NIBAN2: variants seen among roughly 807,000 people sequenced by gnomAD.
NIBAN2 encodes niban apoptosis regulator 2.
In NIBAN2, 36 loss-of-function variants were observed where a neutral mutation model predicts 81.8. The observed-to-expected ratio is 0.44, with a 90% CI of 0.34 to 0.58. NIBAN2 has a LOEUF of 0.58. Ranked by LOEUF, NIBAN2 falls within the 20% of genes least tolerant of loss-of-function variation. The probability of loss-of-function intolerance (pLI) is 0.02; values close to 1 mark genes in which losing one functional copy is unlikely to be tolerated. For missense variants in NIBAN2, 897 were observed against 1,014.1 expected (o/e 0.88, Z 1.57); for synonymous variants, 445 against 441.6 (o/e 1.01, Z -0.10).
intron 1 of NIBAN2, among the ~76,000 whole-genome samples, chr9:127,551,510 G>A (rs1013613117): frequency 7.9e-5 from 12 of 150,944 alleles, no homozygotes; most frequent in African/African-American, 2.4e-4. Flanking sequence ...GCAACAGAGC[G>A]AGACTCTGTC....
At position 127,507,827 on chromosome 9, in the gene NIBAN2, ATCC is replaced by A; in HGVS notation, c.1654+37_1654+39del. 6.3e-7 allele frequency: 1 copy of A among 1,579,628 alleles called. No homozygotes were observed. The highest frequency in any genetic ancestry group is 8.7e-7 in the Non-Finnish European group (1 of 1,149,066). ...ACCACTTCTCAGCTGCGCCCCCAGC[ATCC>A]TCCTGGCAACAGTCCCCACCCCGGG... On this transcript the variant is annotated intron_variant, in intron 13 of 13. Transcript: ENST00000373312. The surrounding 1 kb of genome is among the most constrained non-coding windows in gnomAD (Gnocchi z 6.8).
chr9:127,537,354 C>A (rs959782207), intron 1 of NIBAN2, among the ~76,000 whole-genome samples: 8 of 152,182 alleles, frequency 5.3e-5, no homozygotes, highest in African/African-American at 1.9e-4. Context: ...TCATCAGTGT[C>A]CTCAGCTGAG....
chr9:127,573,703 G>A (rs1373700478), upstream of NIBAN2, among the ~76,000 whole-genome samples: 1 of 152,240 alleles, frequency 6.6e-6, no homozygotes, highest in East Asian at 1.9e-4. Context: ...GCCCAGGCTA[G>A]AGTGCAGTGG....
rs144736289 is a variant in NIBAN2 at position 127,508,914 on chromosome 9, C to T, written c.1317+62G>A. 1.3e-3 allele frequency: 1,997 copies of T among 1,587,390 alleles called. 3 individuals are homozygous for T. The highest frequency in any genetic ancestry group is 1.6e-3 in the Non-Finnish European group (1,839 of 1,158,996). ...GACGGAGCAGAAGGGACCCCCTGGG[C>T]GAGGGGGCCTGTGGAAGGCAGTGGA... On this transcript the variant is annotated intron_variant, in intron 10 of 13. Coordinates refer to ENST00000373312, the MANE Select transcript of NIBAN2 (RefSeq NM_022833.4). The surrounding 1 kb of genome is among the most constrained non-coding windows in gnomAD (Gnocchi z 6.4).
intron 1 of NIBAN2, among the ~76,000 whole-genome samples, chr9:127,578,602 C>T (rs370372274): frequency 1.3e-5 from 2 of 150,796 alleles, no homozygotes; most frequent in Non-Finnish European, 2.9e-5. Flanking sequence ...GCGGAGGTTG[C>T]AGTGAGAGTG....
At chr9:127,541,042 G>A (rs1362203957) in intron 1 of NIBAN2, among the ~76,000 whole-genome samples, 2 of 152,132 alleles carry the variant, frequency 1.3e-5, no homozygotes, top group Admixed American at 1.3e-4. Context: ...GGGGGGTGCC[G>A]ACCCCACCCA....
At chr9:127,565,660 G>A (rs891385850) in intron 1 of NIBAN2, among the ~76,000 whole-genome samples, 2 of 151,640 alleles carry the variant, frequency 1.3e-5, no homozygotes, top group East Asian at 2.0e-4. Context: ...CAAGCATGGT[G>A]GTGTGTACCT....
At chr9:127,544,646 G>A (rs1837438821) in intron 1 of NIBAN2, among the ~76,000 whole-genome samples, 1 of 152,136 alleles carries the variant, frequency 6.6e-6, no homozygotes, top group African/African-American at 2.4e-5. Context: ...TGGGATTACA[G>A]GCATGTGCCA....
chr9:127,531,842 C>T, intron 1 of NIBAN2, 64 bp from the exon 2 acceptor site: 3 of 1,601,766 alleles, frequency 1.9e-6, no homozygotes, highest in Non-Finnish European at 2.6e-6. Context: ...ACGATCCTTC[C>T]CCTAGGCAGG....
At chr9:127,547,685 A>G (rs1202970592) in intron 1 of NIBAN2, among the ~76,000 whole-genome samples, 3 of 151,144 alleles carry the variant, frequency 2.0e-5, no homozygotes, top group Non-Finnish European at 4.4e-5. Context: ...TAAATATACA[A>G]AAGTAGCCAG....
chr9:127,572,282 G>C (rs1013495283), upstream of NIBAN2, among the ~76,000 whole-genome samples: 1 of 152,154 alleles, frequency 6.6e-6, no homozygotes, highest in Non-Finnish European at 1.5e-5. Context: ...CCAGAGTGCT[G>C]GGATTACAGG....
At chr9:127,575,526 C>CTTT (rs60340873) in intron 1 of NIBAN2, among the ~76,000 whole-genome samples, 1,368 of 122,298 alleles carry the variant, frequency 0.011, 51 homozygotes, top group African/African-American at 0.04. Context: ...GTGCTGGGCC[C>CTTT]TTTTTTTTTT....
chr9:127,577,000 A>C (rs1838017791), intron 1 of NIBAN2, among the ~76,000 whole-genome samples: 1 of 151,602 alleles, frequency 6.6e-6, no homozygotes, highest in Admixed American at 6.6e-5. Flanking sequence ...CTCTATTTTT[A>C]AATAATTTAT....
At chr9:127,528,851 C>T (rs1837126485) in intron 2 of NIBAN2, among the ~76,000 whole-genome samples, 1 of 152,210 alleles carries the variant, frequency 6.6e-6, no homozygotes, top group South Asian at 2.1e-4. Context: ...TTTTCATCTT[C>T]ATCCCTGCTT....
intron 1 of NIBAN2, among the ~76,000 whole-genome samples, chr9:127,553,367 T>G (rs946711580): frequency 6.6e-6 from 1 of 152,220 alleles, no homozygotes; most frequent in Admixed American, 6.5e-5. Context: ...AATACCATCC[T>G]GGCCATCAAG....
At position 127,508,869 on chromosome 9, in the gene NIBAN2, G is replaced by T; in HGVS notation, c.1317+107C>A. ...GAGGAGGAGAGAGCGTGCCAGGCAA[G>T]CGTGGCTATGGCATGACGGGACGGA... On this transcript the variant is annotated intron_variant, in intron 10 of 13. Coordinates refer to ENST00000373312, the MANE Select transcript of NIBAN2 (RefSeq NM_022833.4). The surrounding 1 kb of genome is among the most constrained non-coding windows in gnomAD (Gnocchi z 6.4). 7.8e-7 allele frequency: 1 copy of T among 1,276,638 alleles called. No homozygotes were observed. Among genetic ancestry groups the T allele is most frequent in the Non-Finnish European group, 1.1e-6 (1 of 889,988 alleles). The allele number at this position is 1,276,638 out of a possible 1,614,324, so 79.1% of individuals were successfully genotyped here.
At chr9:127,572,923 T>C (rs1449594831), upstream of NIBAN2, among the ~76,000 whole-genome samples, 1 of 152,100 alleles carries the variant, frequency 6.6e-6, no homozygotes, top group African/African-American at 2.4e-5. Context: ...TGGTGCATGC[T>C]TGTAGTCCCA....
chr9:127,535,736 G>A (rs1353218846), intron 1 of NIBAN2, among the ~76,000 whole-genome samples: 1 of 152,056 alleles, frequency 6.6e-6, no homozygotes, highest in African/African-American at 2.4e-5. Flanking sequence ...AGCCAAATGG[G>A]TCAGGTAGGG....
At chr9:127,529,621 C>T (rs1837141707) in intron 2 of NIBAN2, among the ~76,000 whole-genome samples, 1 of 152,200 alleles carries the variant, frequency 6.6e-6, no homozygotes, top group African/African-American at 2.4e-5. Flanking sequence ...GCCTGGGCAA[C>T]AGAGTGAGAC....
Sources: allele counts gnomAD v4.1 joint callset (sites outside exome capture counted in the v4.1 genomes callset), GRCh38; gene constraint gnomAD v4.1.1; non-coding constraint Gnocchi (gnomAD v3.1); transcripts MANE v1.5; gene names NCBI Gene and HGNC (gene_info 2026-07-23, HGNC 2026-07-21).